The following SLC24A2 variants were observed in gnomAD, a reference collection of about 807,000 sequenced individuals.
SLC24A2 encodes the protein sodium/potassium/calcium exchanger 2.
SLC24A2 carries 36 observed loss-of-function variants against 62.0 expected under a neutral mutation model. The ratio of observed to expected loss-of-function variants is 0.58; its 90% CI spans 0.44 to 0.77. The LOEUF is 0.77. SLC24A2 is among the 30% of genes least tolerant of loss of function. The pLI is 0.00. For synonymous variants in SLC24A2, 358 were observed against 294.0 expected, an observed-to-expected ratio of 1.22 and a Z score of -2.23; for missense variants, 846 against 817.9, an observed-to-expected ratio of 1.03 and a Z score of -0.42.
At chr9:19,879,258 G>C in the SLC24A2 span, among the ~76,000 whole-genome samples, 1 of 152,144 alleles carries the variant, frequency 6.6e-6, no homozygotes, top group African/African-American at 2.4e-5. Flanking sequence ...GGGAGTCAAG[G>C]AAGCAATTTG....
chr9:19,895,549 T>TC, the SLC24A2 span, among the ~76,000 whole-genome samples: 114 of 142,362 alleles, frequency 8.0e-4, no homozygotes, highest in Middle Eastern at 3.5e-3. Flanking sequence ...TTTCTTTCTT[T>TC]TTTTTTTTTT....
chr9:19,841,285 G>T, the SLC24A2 span, among the ~76,000 whole-genome samples: 1 of 152,142 alleles, frequency 6.6e-6, no homozygotes, highest in East Asian at 1.9e-4. Flanking sequence ...ATAAGGCAGA[G>T]AAGGGGAATA....
At chr9:19,941,793 C>T in the SLC24A2 span, among the ~76,000 whole-genome samples, 1 of 152,158 alleles carries the variant, frequency 6.6e-6, no homozygotes. Context: ...AATGTGTCTG[C>T]CAGACCGTTC....
intron 2 of SLC24A2, among the ~76,000 whole-genome samples, chr9:19,743,524 C>T (rs1234093171): frequency 6.6e-6 from 1 of 152,106 alleles, no homozygotes; most frequent in East Asian, 1.9e-4. Context: ...GCTGTCGGGG[C>T]TGGGCAGAGG....
chr9:19,911,138 A>G, the SLC24A2 span, among the ~76,000 whole-genome samples: 5 of 138,018 alleles, frequency 3.6e-5, no homozygotes, highest in Non-Finnish European at 6.0e-5. Flanking sequence ...TCATTGTTCA[A>G]TTCCCACCTA....
intron 10 of SLC24A2, among the ~76,000 whole-genome samples, chr9:19,517,543 G>C (rs1832989373): frequency 2.0e-5 from 3 of 152,282 alleles, no homozygotes; most frequent in Middle Eastern, 6.8e-3. Flanking sequence ...TGAAATTCCA[G>C]GCCTGGTACA....
At chr9:19,659,016 C>T (rs1819018183) in intron 2 of SLC24A2, among the ~76,000 whole-genome samples, 1 of 152,176 alleles carries the variant, frequency 6.6e-6, no homozygotes, top group Non-Finnish European at 1.5e-5. Flanking sequence ...AAAAGCTATG[C>T]TGAAATCCTA....
Position 19,573,452 on chromosome 9 carries a change from T to A in SLC24A2, c.1246A>T (p.Asn416Tyr). Residue 416 changes from asparagine to tyrosine, a missense_variant, in exon 7 of 11, where the codon AAC becomes TAC. Asn to Tyr is a moderately radical substitution (Grantham distance 143). Coordinates refer to ENST00000341998, the MANE Select transcript of SLC24A2 (RefSeq NM_020344.4). ...ANHVEKIELPNSTSTDVEMTP... is the reference protein window; with the variant it reads ...ANHVEKIELPYSTSTDVEMTP... ...ATTTCAACATCTGTGCTGGTGCTGT[T>A]TGGAAGCTCAATTTTTTCTGTGATA... 1 of 1,610,544 alleles carries A rather than the reference T, an allele frequency of 6.2e-7. No individual in the cohort carries two copies. The highest frequency in any genetic ancestry group is 8.5e-7 in the Non-Finnish European group (1 of 1,178,076).
chr9:20,180,399 C>T, the SLC24A2 span, among the ~76,000 whole-genome samples: 10 of 152,032 alleles, frequency 6.6e-5, no homozygotes, highest in Non-Finnish European at 1.0e-4. Context: ...GTCTGTTACC[C>T]GTCTTTGTAA....
chr9:19,986,051 T>G, the SLC24A2 span, among the ~76,000 whole-genome samples: 13 of 152,124 alleles, frequency 8.5e-5, no homozygotes, highest in East Asian at 2.3e-3. Context: ...GTATCCAGAA[T>G]AGATAAAGAA....
the SLC24A2 span, among the ~76,000 whole-genome samples, chr9:20,220,923 C>G: frequency 6.6e-6 from 1 of 152,112 alleles, no homozygotes; most frequent in Admixed American, 6.6e-5. Flanking sequence ...AAAATTTATT[C>G]TTCTTTCTTA....
chr9:19,728,222 G>C (rs79702181), intron 2 of SLC24A2, among the ~76,000 whole-genome samples: 5,150 of 151,982 alleles, frequency 0.034, 127 homozygotes, highest in Middle Eastern at 0.065. Context: ...CTATCTCTTG[G>C]GTATTTAAGG....
chr9:19,822,807 G>T, the SLC24A2 span, among the ~76,000 whole-genome samples: 1 of 152,114 alleles, frequency 6.6e-6, no homozygotes, highest in Non-Finnish European at 1.5e-5. Context: ...CAGAGGAAAG[G>T]TATCATCATA....
At chr9:19,927,548 T>A in the SLC24A2 span, 1 of 152,190 alleles carries the variant, frequency 6.6e-6, no homozygotes, top group Admixed American at 6.5e-5. Flanking sequence ...GAAACACACC[T>A]CAGTGCCATG....
the SLC24A2 span, among the ~76,000 whole-genome samples, chr9:20,163,884 G>C: frequency 6.6e-6 from 1 of 152,140 alleles, no homozygotes; most frequent in Non-Finnish European, 1.5e-5. Context: ...AATGGGGAAA[G>C]GATTCCCTAT....
the SLC24A2 span, among the ~76,000 whole-genome samples, chr9:19,851,801 G>A: frequency 2.0e-5 from 3 of 152,164 alleles, no homozygotes; most frequent in Admixed American, 6.6e-5. Context: ...ACAAGTGCAT[G>A]TATCTTTATA....
the SLC24A2 span, among the ~76,000 whole-genome samples, chr9:20,187,347 A>T: frequency 2.6e-5 from 4 of 152,196 alleles, no homozygotes; most frequent in African/African-American, 9.7e-5. Context: ...CATTTTTCAG[A>T]ACAGATAGTA....
chr9:20,112,367 A>T, the SLC24A2 span, among the ~76,000 whole-genome samples: 1 of 152,202 alleles, frequency 6.6e-6, no homozygotes, highest in Non-Finnish European at 1.5e-5. Context: ...TTCACACATT[A>T]TTCAAAGGAA....
At chr9:19,680,851 T>TTGTCTGTGTGTGTG (rs961039680) in intron 2 of SLC24A2, among the ~76,000 whole-genome samples, 2 of 146,970 alleles carry the variant, frequency 1.4e-5, no homozygotes, top group African/African-American at 5.0e-5. Context: ...TATACCAGAG[T>TTGTCTGTGTGTGTG]TGTGTGTGTG....
Sources: gnomAD v4.1 joint callset for allele counts (sites outside exome capture counted in the v4.1 genomes callset) on GRCh38, gnomAD v4.1.1 for gene constraint, MANE v1.5 for transcripts, NCBI Gene and HGNC (gene_info 2026-07-23, HGNC 2026-07-21) for gene names.